LNX1: variants seen among roughly 807,000 people sequenced by gnomAD.
LNX1 encodes ligand of numb-protein X 1.
LNX1 carries 54 observed loss-of-function variants against 68.4 expected under a neutral mutation model. The ratio of observed to expected loss-of-function variants is 0.79; its 90% CI spans 0.63 to 0.99. LNX1 has a LOEUF of 0.99. LNX1 is among the 50% of genes least tolerant of loss of function. LNX1 has a pLI of 0.00. For missense variants in LNX1, 906 were observed against 926.4 expected (o/e 0.98, Z 0.29); for synonymous variants, 336 against 350.0 (o/e 0.96, Z 0.45).
intron 2 of LNX1, among the ~76,000 whole-genome samples, chr4:53,529,709 A>T (rs1727884834): frequency 1.3e-5 from 2 of 152,206 alleles, no homozygotes; most frequent in Non-Finnish European, 2.9e-5. Context: ...CCACCATAGT[A>T]GGACAGAGCC....
chr4:53,495,693 C>A (rs1270635034), intron 6 of LNX1, among the ~76,000 whole-genome samples: 1 of 152,152 alleles, frequency 6.6e-6, no homozygotes, highest in Non-Finnish European at 1.5e-5. Context: ...CAGGCACCTG[C>A]CACCACACCT....
chr4:53,465,206 T>G (rs531386430), intron 9 of LNX1, among the ~76,000 whole-genome samples: 3 of 152,316 alleles, frequency 2.0e-5, no homozygotes, highest in African/African-American at 7.2e-5. Flanking sequence ...CTGCCCAGTT[T>G]ACATCTTTAA....
intron 2 of LNX1, among the ~76,000 whole-genome samples, chr4:53,550,424 C>T (rs1729421515): frequency 6.6e-6 from 1 of 152,176 alleles, no homozygotes; most frequent in Admixed American, 6.5e-5. Flanking sequence ...AAACACAGGA[C>T]AAGACAAATC....
At chr4:53,551,273 C>A (rs1231120799) in intron 2 of LNX1, among the ~76,000 whole-genome samples, 3 of 152,086 alleles carry the variant, frequency 2.0e-5, no homozygotes, top group African/African-American at 7.2e-5. Flanking sequence ...GGGAAGGCCA[C>A]CCTCCCCACA....
At chr4:53,540,332 A>G (rs1344391133) in intron 2 of LNX1, among the ~76,000 whole-genome samples, 1 of 152,058 alleles carries the variant, frequency 6.6e-6, no homozygotes, top group African/African-American at 2.4e-5. Context: ...GCAGTAAGTC[A>G]TGACTCCGCC....
At chr4:53,472,681 A>G (rs1723290415) in intron 9 of LNX1, among the ~76,000 whole-genome samples, 1 of 80,730 alleles carries the variant, frequency 1.2e-5, no homozygotes. Flanking sequence ...AACAACAACA[A>G]CAACAAAAAA....
chr4:53,580,391 C>G (rs1162446048), intron 1 of LNX1, among the ~76,000 whole-genome samples: 1 of 152,214 alleles, frequency 6.6e-6, no homozygotes, highest in African/African-American at 2.4e-5. Context: ...ATCAGTGTCT[C>G]TCCTATAATG....
At chr4:53,594,328 ACT>A (rs1472403664), upstream of LNX1, among the ~76,000 whole-genome samples, 1 of 151,828 alleles carries the variant, frequency 6.6e-6, no homozygotes, top group Non-Finnish European at 1.5e-5. Context: ...ACCAGTTGTA[ACT>A]CTCTATGACA....
intron 9 of LNX1, among the ~76,000 whole-genome samples, chr4:53,462,501 T>C (rs375611262): frequency 2.0e-5 from 3 of 152,130 alleles, no homozygotes; most frequent in South Asian, 2.1e-4. Flanking sequence ...AAATCAGATA[T>C]GGCTATTTTG....
At chr4:53,487,238 T>C (rs778211974) in intron 6 of LNX1, among the ~76,000 whole-genome samples, 2 of 152,130 alleles carry the variant, frequency 1.3e-5, no homozygotes, top group Non-Finnish European at 2.9e-5. Flanking sequence ...ATTGCATGAG[T>C]CCATACAGTG....
At chr4:53,598,625 G>C (rs1732861414) in intron 2 of LNX1, among the ~76,000 whole-genome samples, 1 of 152,152 alleles carries the variant, frequency 6.6e-6, no homozygotes, top group South Asian at 2.1e-4. Context: ...CTGGTATCTG[G>C]AAGAAACATA....
At chr4:53,474,338 G>A (rs1723424993) in intron 9 of LNX1, among the ~76,000 whole-genome samples, 1 of 152,104 alleles carries the variant, frequency 6.6e-6, no homozygotes, top group East Asian at 1.9e-4. Flanking sequence ...CCCAACACCT[G>A]GTTTTATAAG....
intron 9 of LNX1, among the ~76,000 whole-genome samples, chr4:53,472,682 C>CA (rs375039545): frequency 0.11 from 8,040 of 76,108 alleles, 291 homozygotes; most frequent in East Asian, 0.18. Flanking sequence ...ACAACAACAA[C>CA]AACAAAAAAA....
At chr4:53,571,310 T>C (rs1185204092) in intron 2 of LNX1, among the ~76,000 whole-genome samples, 1 of 151,284 alleles carries the variant, frequency 6.6e-6, no homozygotes, top group African/African-American at 2.4e-5. Flanking sequence ...TGAGCCTCCA[T>C]GCCCCGCGTA....
chr4:53,570,232 T>C (rs62323655), intron 2 of LNX1, among the ~76,000 whole-genome samples: 7 of 145,632 alleles, frequency 4.8e-5, no homozygotes, highest in East Asian at 2.0e-4. Context: ...TATTGCGGCA[T>C]TATTCACAAT....
chr4:53,512,976 C>T (rs1865509), intron 2 of LNX1, among the ~76,000 whole-genome samples: 146,054 of 152,150 alleles, frequency 0.96, 70,392 homozygotes, highest in East Asian at 1. Flanking sequence ...TCCATCTCCA[C>T]GGCCAAACCC....
At chr4:53,640,945 C>A (rs1465502402) in intron 1 of LNX1, among the ~76,000 whole-genome samples, 3 of 152,212 alleles carry the variant, frequency 2.0e-5, no homozygotes, top group Non-Finnish European at 2.9e-5. Flanking sequence ...CGGGGCCTTC[C>A]TCAATCCCTG....
intron 1 of LNX1, among the ~76,000 whole-genome samples, chr4:53,624,279 G>A (rs1162487975): frequency 6.6e-6 from 1 of 152,130 alleles, no homozygotes; most frequent in African/African-American, 2.4e-5. Context: ...ATTCCCACAT[G>A]TAGTGGAAGG....
In LNX1 at chr4:53,494,402, T is replaced by C. The variant is rs536864492; in HGVS notation, c.1350+1621A>G. ...TATGTCTTTATCAGCAGCAAGAGAA[T>C]GGACTAACACATGGGCTATTAAGGA... On this transcript the variant is annotated intron_variant, in intron 6 of 10. Transcript: ENST00000263925. 5.9e-5 allele frequency among the ~76,000 whole-genome samples: 9 copies of C among 152,318 alleles called. No homozygotes were observed. In the South Asian group the frequency reaches 1.9e-3, roughly 32 times the overall value.
Sources: allele counts gnomAD v4.1 joint callset (sites outside exome capture counted in the v4.1 genomes callset), GRCh38; gene constraint gnomAD v4.1.1; transcripts MANE v1.5; gene names NCBI Gene and HGNC (gene_info 2026-07-23, HGNC 2026-07-21).